The following GRM8 variants were observed in gnomAD, a reference collection of about 807,000 sequenced individuals.
GRM8 encodes the protein metabotropic glutamate receptor 8.
A neutral mutation model predicts 87.2 loss-of-function variants in GRM8; 47 were observed. That is an observed-to-expected ratio of 0.54 (90% CI 0.43 to 0.69). The LOEUF (loss-of-function observed/expected upper bound fraction) is 0.69, where lower values mean the gene tolerates loss of function less well. GRM8 is among the 30% of genes least tolerant of loss of function. The pLI is 0.00. For missense variants in GRM8, 1,019 were observed against 1,139.2 expected (o/e 0.89, Z 1.52); for synonymous variants, 396 against 404.5 (o/e 0.98, Z 0.25).
intron 2 of GRM8, among the ~76,000 whole-genome samples, chr7:127,154,628 C>A (rs903565472): frequency 1.3e-5 from 2 of 152,122 alleles, no homozygotes; most frequent in Admixed American, 6.6e-5. Context: ...ATTCTCAATG[C>A]ATGTCTGTTG....
chr7:127,169,264 G>A (rs1353856994), intron 2 of GRM8, among the ~76,000 whole-genome samples: 1 of 152,122 alleles, frequency 6.6e-6, no homozygotes, highest in Non-Finnish European at 1.5e-5. Context: ...CATTATTGCT[G>A]ATATGGAGAA....
intron 6 of GRM8, among the ~76,000 whole-genome samples, chr7:126,811,040 A>G (rs1183445044): frequency 6.6e-6 from 1 of 151,910 alleles, no homozygotes; most frequent in Non-Finnish European, 1.5e-5. Flanking sequence ...TTGAGTTGAT[A>G]TTTGTATATG....
At chr7:126,900,187 C>A (rs1801933129) in intron 6 of GRM8, among the ~76,000 whole-genome samples, 1 of 152,156 alleles carries the variant, frequency 6.6e-6, no homozygotes, top group South Asian at 2.1e-4. Context: ...CTGTGGGGTC[C>A]CAGACCTTAT....
chr7:126,995,010 A>G (rs1813042687), intron 3 of GRM8, among the ~76,000 whole-genome samples: 1 of 152,186 alleles, frequency 6.6e-6, no homozygotes. Flanking sequence ...GGGTGCTTGA[A>G]TCATGCCATC....
Position 127,049,006 on chromosome 7 carries a change from T to C in GRM8, c.727+57490A>G, listed in dbSNP as rs1012612444. ...CTTGGGAATTTATTTACTCTAGCCC[T>C]AGGAACTAGAGGCTCGCCATTATAT... On this transcript the variant is annotated intron_variant, in intron 3 of 10. Coordinates refer to ENST00000339582, the MANE Select transcript of GRM8 (RefSeq NM_000845.3). Among the ~76,000 whole-genome samples the C allele has an allele frequency of 3.3e-5, 5 of 152,208 alleles. No homozygotes were observed. The South Asian group carries it at 8.3e-4, about 25-fold the overall frequency.
At chr7:126,540,016 C>T (rs144197548) in intron 8 of GRM8, among the ~76,000 whole-genome samples, 6 of 151,942 alleles carry the variant, frequency 3.9e-5, no homozygotes, top group African/African-American at 1.4e-4. Context: ...AGACAACCCA[C>T]AGGATAGGCA....
At chr7:127,180,450 A>G (rs1794371166) in intron 2 of GRM8, among the ~76,000 whole-genome samples, 1 of 152,096 alleles carries the variant, frequency 6.6e-6, no homozygotes, top group African/African-American at 2.4e-5. Flanking sequence ...TCCTTTTGAC[A>G]CTATTCCACA....
At chr7:126,941,293 A>G (rs1359442179) in intron 3 of GRM8, among the ~76,000 whole-genome samples, 1 of 152,074 alleles carries the variant, frequency 6.6e-6, no homozygotes, top group Non-Finnish European at 1.5e-5. Flanking sequence ...ATCCCTTCCT[A>G]GAAATAAAAT....
At chr7:126,470,777 C>T (rs13437802) in intron 9 of GRM8, among the ~76,000 whole-genome samples, 10,006 of 152,212 alleles carry the variant, frequency 0.066, 1,005 homozygotes, top group African/African-American at 0.22. Flanking sequence ...CTGATTTCCA[C>T]AATGGTTGAA....
chr7:126,876,055 C>T (rs1207990000), intron 6 of GRM8, among the ~76,000 whole-genome samples: 2 of 152,134 alleles, frequency 1.3e-5, no homozygotes. Context: ...GTTGGCTTAT[C>T]CTTGAATATC....
intron 9 of GRM8, among the ~76,000 whole-genome samples, chr7:126,514,327 G>A (rs1407230267): frequency 6.6e-6 from 1 of 152,124 alleles, no homozygotes; most frequent in African/African-American, 2.4e-5. Flanking sequence ...TAAAGCTGTA[G>A]TGAATGCTTA....
intron 6 of GRM8, among the ~76,000 whole-genome samples, chr7:126,887,170 A>G (rs889032109): frequency 3.3e-5 from 5 of 152,162 alleles, no homozygotes; most frequent in African/African-American, 7.2e-5. Context: ...GAAAGAATCA[A>G]CTAGAGATAG....
At chr7:127,036,914 T>C (rs1817903392) in intron 3 of GRM8, among the ~76,000 whole-genome samples, 1 of 152,188 alleles carries the variant, frequency 6.6e-6, no homozygotes, top group Non-Finnish European at 1.5e-5. Context: ...GGTTTTATAG[T>C]CATCTTAATC....
chr7:126,708,142 T>A (rs1363265794), intron 7 of GRM8, among the ~76,000 whole-genome samples: 3 of 152,100 alleles, frequency 2.0e-5, no homozygotes, highest in African/African-American at 7.2e-5. Context: ...ATGTTCAACA[T>A]CACTAATCCT....
Position 126,890,588 on chromosome 7 carries a change from T to C in GRM8, c.1156+11954A>G, listed in dbSNP as rs186803468. On this transcript the variant is annotated intron_variant, in intron 6 of 10. Coordinates refer to ENST00000339582, the MANE Select transcript of GRM8 (RefSeq NM_000845.3). ...AGCCTCATATCTCACAGCCTCAAAC[T>C]ACTGCCTCCCACCCCCTGAGAGAGA... is the stretch of plus-strand genomic sequence containing the variant. Among the ~76,000 whole-genome samples, 470 of 152,160 alleles carry C rather than the reference T, an allele frequency of 3.1e-3. 6 individuals carry two copies. The highest frequency in any genetic ancestry group is 0.011 in the African/African-American group (450 of 41,538).
intron 6 of GRM8, among the ~76,000 whole-genome samples, chr7:126,822,084 C>T (rs190499915): frequency 7.4e-4 from 112 of 152,252 alleles, no homozygotes; most frequent in African/African-American, 2.7e-3. Context: ...GACACTGTGT[C>T]CTTCTCAAGG....
intron 8 of GRM8, among the ~76,000 whole-genome samples, chr7:126,599,907 C>CTAGA (rs1218557868): frequency 2.6e-5 from 4 of 152,064 alleles, no homozygotes; most frequent in Admixed American, 2.6e-4. Context: ...CCAGCCTGCA[C>CTAGA]TAGAGCATTG....
chr7:126,736,919 C>G (rs569969812), intron 7 of GRM8, among the ~76,000 whole-genome samples: 65 of 152,144 alleles, frequency 4.3e-4, no homozygotes, highest in African/African-American at 1.5e-3. Flanking sequence ...ATAACTGAGA[C>G]AGTGAAAGAG....
chr7:126,445,398 T>G (rs1801908985), intron 10 of GRM8: 1 of 152,106 alleles, frequency 6.6e-6, no homozygotes, highest in Non-Finnish European at 1.5e-5. Context: ...AGTTAAATTC[T>G]ACTGGTTGAG....
Sources: allele counts gnomAD v4.1 joint callset (sites outside exome capture counted in the v4.1 genomes callset), GRCh38; gene constraint gnomAD v4.1.1; transcripts MANE v1.5; gene names NCBI Gene and HGNC (gene_info 2026-07-23, HGNC 2026-07-21).